Variants in COL26A1 observed in about 807,000 individuals in gnomAD.
The protein encoded by COL26A1 is collagen alpha-1(XXVI) chain.
Under a neutral mutation model 59.3 loss-of-function variants are expected in COL26A1, and 41 were observed. That is an observed-to-expected ratio of 0.69 (90% confidence interval 0.54 to 0.90). The LOEUF is 0.90. COL26A1 is among the 40% of genes least tolerant of loss of function. The pLI is 0.00. For missense variants in COL26A1, 612 were observed against 602.3 expected, an observed-to-expected ratio of 1.02 and a Z score of -0.17; for synonymous variants, 266 against 256.0, an observed-to-expected ratio of 1.04 and a Z score of -0.37.
chr7:101,393,781 C>CT (rs758973513), intron 1 of COL26A1, among the ~76,000 whole-genome samples: 1 of 151,330 alleles, frequency 6.6e-6, no homozygotes, highest in Non-Finnish European at 1.5e-5. Flanking sequence ...GGGTCTCACT[C>CT]TGTCACCCAG....
chr7:101,439,164 C>T (rs1792986373), intron 2 of COL26A1, among the ~76,000 whole-genome samples: 1 of 152,066 alleles, frequency 6.6e-6, no homozygotes, highest in Non-Finnish European at 1.5e-5. Context: ...ATGTAATACC[C>T]AGGAAAAGCC....
At chr7:101,367,522 G>A (rs941125333) in intron 1 of COL26A1, among the ~76,000 whole-genome samples, 18 of 113,190 alleles carry the variant, frequency 1.6e-4, no homozygotes, top group Middle Eastern at 3.8e-3. Context: ...AAAATTAGCC[G>A]GGCGTGGTGG....
At chr7:101,421,578 G>A (rs1441731647) in intron 2 of COL26A1, among the ~76,000 whole-genome samples, 1 of 151,996 alleles carries the variant, frequency 6.6e-6, no homozygotes, top group Admixed American at 6.6e-5. Context: ...AGGAGGCTGA[G>A]GCAGGAGAAT....
intron 3 of COL26A1, among the ~76,000 whole-genome samples, chr7:101,484,671 T>C (rs1450296673): frequency 1.3e-5 from 2 of 151,074 alleles, no homozygotes; most frequent in East Asian, 3.9e-4. Flanking sequence ...GCTGGGCCCT[T>C]TATTATTATT....
At chr7:101,400,926 C>T (rs929285975) in intron 1 of COL26A1, among the ~76,000 whole-genome samples, 3 of 152,112 alleles carry the variant, frequency 2.0e-5, no homozygotes, top group South Asian at 2.1e-4. Flanking sequence ...GCGCTAAACC[C>T]GAACGAGGGG....
rs760498954 is a variant in COL26A1, at chr7:101,544,013, C to A, written c.620C>A (p.Thr207Lys). ...PTGPAGPPGQ[T>K]GPPGPAGPPG... Reference sequence around the variant, plus strand: ...CTCTCCCCAGGGCCCCCGGGGCAGACAGGACCACCAGGGCCTGCAGGCCCC... The same window carrying A: ...CTCTCCCCAGGGCCCCCGGGGCAGAAAGGACCACCAGGGCCTGCAGGCCCC... Residue 207 changes from threonine (T) to lysine (K), a missense_variant, in exon 6 of 13, where the codon ACA becomes AAA. Thr to Lys is a moderately conservative substitution (Grantham distance 78). Transcript: ENST00000313669. 1.9e-6 allele frequency: 3 copies of A among 1,583,788 alleles called. No homozygotes were observed. The highest frequency in any genetic ancestry group is 2.6e-6 in the Non-Finnish European group (3 of 1,165,630).
chr7:101,507,345 C>T (rs1289921342), intron 3 of COL26A1, among the ~76,000 whole-genome samples: 1 of 152,216 alleles, frequency 6.6e-6, no homozygotes, highest in East Asian at 1.9e-4. Flanking sequence ...GGATCCCCAA[C>T]ATCCCGTGGA....
chr7:101,471,016 G>C lies in COL26A1; in HGVS notation c.385+23229G>C, dbSNP rs566123052. 3.3e-5 allele frequency among the ~76,000 whole-genome samples: 5 copies of C among 152,054 alleles called. No homozygotes were observed. The South Asian group carries it at 8.3e-4, about 25-fold the overall frequency. ...TCAGGAAATTCCAAGGGTCTTAGGG[G>C]CTCCACGCTAGCAATTTCAACAAAG... On this transcript the variant is annotated intron_variant, in intron 3 of 12. Transcript: ENST00000313669.
intron 3 of COL26A1, among the ~76,000 whole-genome samples, chr7:101,474,865 G>A (rs542339818): frequency 9.2e-5 from 14 of 152,256 alleles, no homozygotes; most frequent in South Asian, 4.1e-4. Context: ...ATAAAAAAGC[G>A]GACAGCTGTG....
At chr7:101,424,918 G>A (rs911914446) in intron 2 of COL26A1, among the ~76,000 whole-genome samples, 1 of 151,934 alleles carries the variant, frequency 6.6e-6, no homozygotes, top group Non-Finnish European at 1.5e-5. Flanking sequence ...GAAGCTGGAG[G>A]GATATTTTAT....
intron 11 of COL26A1, among the ~76,000 whole-genome samples, chr7:101,553,993 G>A (rs959784668): frequency 1.3e-5 from 2 of 151,914 alleles, no homozygotes; most frequent in Admixed American, 6.5e-5. Flanking sequence ...TGAAGGGGAT[G>A]AAGGGCTCAT....
chr7:101,381,943 A>G (rs1038645487), intron 1 of COL26A1, among the ~76,000 whole-genome samples: 1 of 152,218 alleles, frequency 6.6e-6, no homozygotes. Flanking sequence ...TCCAAAAAGA[A>G]TTAAGACTGA....
At chr7:101,456,413 G>A (rs1000820662) in intron 3 of COL26A1, among the ~76,000 whole-genome samples, 12 of 151,810 alleles carry the variant, frequency 7.9e-5, no homozygotes, top group African/African-American at 2.2e-4. Flanking sequence ...GGTGTCTCAC[G>A]CCTGTAATCC....
intron 1 of COL26A1, among the ~76,000 whole-genome samples, chr7:101,417,486 A>G (rs1792398316): frequency 6.8e-6 from 1 of 147,702 alleles, no homozygotes; most frequent in Non-Finnish European, 1.5e-5. Flanking sequence ...GGTGAATCCA[A>G]TGCCTAATAT....
chr7:101,514,778 T>C (rs975414034), intron 3 of COL26A1, among the ~76,000 whole-genome samples: 1 of 152,254 alleles, frequency 6.6e-6, no homozygotes, highest in African/African-American at 2.4e-5. Context: ...CCTTCCCTTG[T>C]ACTTGGACAG....
At chr7:101,539,489 C>T (rs1257165535) in intron 4 of COL26A1, among the ~76,000 whole-genome samples, 4 of 152,026 alleles carry the variant, frequency 2.6e-5, no homozygotes, top group Non-Finnish European at 5.9e-5. Context: ...CCACGCCTGG[C>T]TAATTTTCTT....
At position 101,557,872 on chromosome 7, in the gene COL26A1, G is replaced by A. The variant is rs539536408; in HGVS notation, c.*342G>A. The A allele has an allele frequency of 5.7e-5, 12 of 211,414 alleles. No homozygotes were observed. The highest frequency in any genetic ancestry group is 1.6e-3 in the Middle Eastern group (1 of 642). 13.1% of individuals were successfully genotyped at this position (211,414 alleles called of 1,614,324 possible). A position where few individuals can be genotyped will look rare whatever the true frequency, so the allele number is the denominator to read the frequency against. On this transcript the variant is annotated 3_prime_UTR_variant, in exon 13 of 13. Coordinates refer to ENST00000313669, the MANE Select transcript of COL26A1 (RefSeq NM_001278563.3). The stretch of plus-strand genomic sequence containing the variant: ...GCCCTGTCCAGGGAACTTTCGTTAC[G>A]TTGTCTCATTATTTAACCCTTAGGA...
At chr7:101,402,022 G>A (rs542832221) in intron 1 of COL26A1, among the ~76,000 whole-genome samples, 36 of 152,232 alleles carry the variant, frequency 2.4e-4, no homozygotes, top group African/African-American at 8.2e-4. Context: ...ATTACCAGCC[G>A]GGTTTATTTC....
At chr7:101,413,589 A>AGATC (rs1792295928) in intron 1 of COL26A1, among the ~76,000 whole-genome samples, 1 of 151,812 alleles carries the variant, frequency 6.6e-6, no homozygotes, top group Non-Finnish European at 1.5e-5. Flanking sequence ...AGAAAAGGAG[A>AGATC]CTTGTTTGGG....
Sources: gnomAD v4.1 joint callset for allele counts (sites outside exome capture counted in the v4.1 genomes callset) on GRCh38, gnomAD v4.1.1 for gene constraint, MANE v1.5 for transcripts, NCBI Gene and HGNC (gene_info 2026-07-23, HGNC 2026-07-21) for gene names.